TTC7B: variants seen among roughly 807,000 people sequenced by gnomAD.
The protein encoded by TTC7B is tetratricopeptide repeat protein 7B.
A neutral mutation model predicts 106.8 loss-of-function variants in TTC7B; 28 were observed. The ratio of observed to expected loss-of-function variants is 0.26; its 90% CI spans 0.19 to 0.36. The LOEUF is 0.36. Ranked by LOEUF, TTC7B falls within the 10% of genes least tolerant of loss-of-function variation. TTC7B has a pLI of 1.00. For synonymous variants in TTC7B, 405 were observed against 430.6 expected, an observed-to-expected ratio of 0.94 and a Z score of 0.74; for missense variants, 862 against 1,076.4, an observed-to-expected ratio of 0.80 and a Z score of 2.79.
At chr14:90,700,403 T>A (rs915799755) in intron 5 of TTC7B, among the ~76,000 whole-genome samples, 2 of 152,060 alleles carry the variant, frequency 1.3e-5, no homozygotes, top group African/African-American at 4.8e-5. Context: ...TGAGTTTATA[T>A]CTGTTCACCA....
chr14:90,806,609 A>T (rs2030625270), intron 1 of TTC7B, among the ~76,000 whole-genome samples: 2 of 152,226 alleles, frequency 1.3e-5, no homozygotes, highest in African/African-American at 4.8e-5. Flanking sequence ...AACCTTGCAG[A>T]TAAAGGTGAG....
intron 19 of TTC7B, among the ~76,000 whole-genome samples, chr14:90,566,818 T>A (rs1252925583): frequency 6.6e-6 from 1 of 152,164 alleles, no homozygotes; most frequent in Non-Finnish European, 1.5e-5. Context: ...AAGCTCTCAG[T>A]GACTTGGAGT....
chr14:90,652,488 T>TAA (rs11397777), intron 13 of TTC7B, among the ~76,000 whole-genome samples: 57 of 143,518 alleles, frequency 4.0e-4, no homozygotes, highest in African/African-American at 9.3e-4. Context: ...ATGTTTTTTT[T>TAA]AAAAAAAAAA....
intron 18 of TTC7B, among the ~76,000 whole-genome samples, chr14:90,584,891 G>A (rs961971603): frequency 1.3e-5 from 2 of 152,022 alleles, no homozygotes; most frequent in Non-Finnish European, 2.9e-5. Context: ...ATAAAAATCA[G>A]CACAAGGGCC....
intron 19 of TTC7B, among the ~76,000 whole-genome samples, chr14:90,574,614 C>T (rs1891181871): frequency 6.6e-6 from 1 of 152,226 alleles, no homozygotes. Flanking sequence ...GTCACTCTTG[C>T]TTTTTAACAA....
Position 90,541,056 on chromosome 14 carries a change from T to C in TTC7B, c.*312A>G. ...AATTTTAACTTTGAATATATTCTTC[T>C]ACATTTGCTGATTAATTCCATAATC... On this transcript the variant is annotated 3_prime_UTR_variant, in exon 20 of 20. Transcript: ENST00000328459. The C allele has an allele frequency of 3.0e-6, 1 of 336,482 alleles. No homozygotes were observed. Among genetic ancestry groups the C allele is most frequent in the Non-Finnish European group, 5.4e-6 (1 of 186,224 alleles). The allele number at this position is 336,482 out of a possible 1,614,324, so 20.8% of individuals were successfully genotyped here. A position where few individuals can be genotyped will look rare whatever the true frequency, so the allele number is the denominator to read the frequency against.
intron 5 of TTC7B, 48 bp downstream of exon 5, chr14:90,730,027 T>C (rs777769273): frequency 2.2e-5 from 34 of 1,569,488 alleles, no homozygotes; most frequent in Non-Finnish European, 1.3e-5. Flanking sequence ...TAAGGCTTTC[T>C]ACTTTCCTTC....
intron 9 of TTC7B, 156 bp downstream of exon 9, chr14:90,676,367 C>T: frequency 2.6e-6 from 2 of 762,200 alleles, no homozygotes; most frequent in African/African-American, 1.7e-5. Context: ...AAGGCCCATT[C>T]TACAGGGGAG....
intron 7 of TTC7B, among the ~76,000 whole-genome samples, chr14:90,683,871 C>A (rs1310791725): frequency 6.6e-6 from 1 of 152,240 alleles, no homozygotes; most frequent in Non-Finnish European, 1.5e-5. Context: ...GTTCGGCCAT[C>A]AAGAAGTCAT....
At chr14:90,574,184 T>G (rs762593413) in intron 19 of TTC7B, among the ~76,000 whole-genome samples, 7 of 152,254 alleles carry the variant, frequency 4.6e-5, no homozygotes, top group Non-Finnish European at 7.3e-5. Flanking sequence ...TGCTCTATGT[T>G]TCTTTAATTC....
In TTC7B at chr14:90,583,545, C is replaced by T. The variant is rs1486649433; in HGVS notation, c.2108-5237G>A. ...AACTGGTACCAAAGGAACAGCAGCA[C>T]AGTGAAATGGGCTCTGGGAACTCAA... On this transcript the variant is annotated intron_variant, in intron 18 of 19. Transcript: ENST00000328459. Among the ~76,000 whole-genome samples, 4 of 152,322 alleles carry T rather than the reference C, an allele frequency of 2.6e-5. No individual in the cohort carries two copies. The East Asian group carries it at 7.7e-4, about 29-fold the overall frequency.
intron 18 of TTC7B, among the ~76,000 whole-genome samples, chr14:90,579,841 AG>A (rs1891414153): frequency 6.6e-6 from 1 of 152,242 alleles, no homozygotes; most frequent in East Asian, 1.9e-4. Flanking sequence ...GAAAAAAACA[AG>A]AAAGTTTTAC....
intron 17 of TTC7B, among the ~76,000 whole-genome samples, chr14:90,597,514 G>A (rs1479203616): frequency 2.0e-5 from 3 of 151,914 alleles, no homozygotes; most frequent in Non-Finnish European, 4.4e-5. Context: ...AAAAAGTAGC[G>A]GGGCATGGTG....
At chr14:90,652,727 C>T in intron 13 of TTC7B, 114 bp downstream of exon 13, 2 of 1,222,170 alleles carry the variant, frequency 1.6e-6, no homozygotes, top group South Asian at 2.6e-5. Flanking sequence ...GGACGAAAGA[C>T]TCTCAGGGGT....
intron 15 of TTC7B, among the ~76,000 whole-genome samples, chr14:90,628,616 G>A (rs1209362526): frequency 6.6e-6 from 1 of 152,234 alleles, no homozygotes; most frequent in Non-Finnish European, 1.5e-5. Flanking sequence ...CTTCTGCACA[G>A]TCAGGAGGGA....
chr14:90,781,287 G>A (rs1183677345), intron 2 of TTC7B, among the ~76,000 whole-genome samples: 1 of 152,180 alleles, frequency 6.6e-6, no homozygotes, highest in Non-Finnish European at 1.5e-5. Flanking sequence ...GATTAGTCTT[G>A]GCTAGGAATG....
Position 90,636,740 on chromosome 14 carries a change from G to C in TTC7B, c.1751+7308C>G, listed in dbSNP as rs564805510. ...AAAAGCTCATAACAAAAGATAAGTT[G>C]AAAAAACTCATATTTGACAATTGTA... On this transcript the variant is annotated intron_variant, in intron 15 of 19. Coordinates refer to ENST00000328459, the MANE Select transcript of TTC7B (RefSeq NM_001010854.2). Among the ~76,000 whole-genome samples, 3 of 151,746 alleles carry C rather than the reference G, an allele frequency of 2.0e-5. No individual in the cohort carries two copies. In the South Asian group the frequency reaches 6.2e-4, roughly 32 times the overall value.
chr14:90,701,175 G>A (rs566637499), intron 5 of TTC7B, among the ~76,000 whole-genome samples: 8 of 152,242 alleles, frequency 5.3e-5, no homozygotes, highest in East Asian at 1.9e-4. Context: ...CATCCACGCC[G>A]AGATGAGAAC....
At position 90,689,629 on chromosome 14, in the gene TTC7B, G is replaced by C. The variant is rs1887388145; in HGVS notation, c.861C>G (p.Cys287Trp). ...GGAGAGGATCGTCCAGAGGTGACTG[G>C]CACGGTGGATCCTCCAGAGGGTTCC... ...SYWNPLEDPP[C>W]QSPLDDPLRK... is the part of the protein sequence containing the mutation. The change falls in exon 7 of 20, where the codon TGC becomes TGG. Residue 287 changes from cysteine to tryptophan, a missense_variant. By Grantham distance (215) the Cys-to-Trp change is radical. Coordinates refer to ENST00000328459, the MANE Select transcript of TTC7B (RefSeq NM_001010854.2). 1 of 1,614,146 alleles carries C rather than the reference G, an allele frequency of 6.2e-7. No individual in the cohort carries two copies. The highest frequency in any genetic ancestry group is 2.2e-5 in the East Asian group (1 of 44,878).
Sources: gnomAD v4.1 joint callset for allele counts (sites outside exome capture counted in the v4.1 genomes callset) on GRCh38, gnomAD v4.1.1 for gene constraint, MANE v1.5 for transcripts, NCBI Gene and HGNC (gene_info 2026-07-23, HGNC 2026-07-21) for gene names.